The following GPC5 variants were observed in gnomAD, a reference collection of about 807,000 sequenced individuals.
The protein encoded by GPC5 is glypican-5.
A neutral mutation model predicts 53.9 loss-of-function variants in GPC5; 47 were observed. The observed-to-expected ratio is 0.87, with a 90% CI of 0.69 to 1.11. The LOEUF (loss-of-function observed/expected upper bound fraction) is 1.11. Ranked by LOEUF, GPC5 falls within the 50% of genes most tolerant of loss-of-function variation. The probability of loss-of-function intolerance (pLI) is 0.00; values close to 1 mark genes in which losing one functional copy is unlikely to be tolerated. For synonymous variants in GPC5, 286 were observed against 263.3 expected, an observed-to-expected ratio of 1.09 and a Z score of -0.84; for missense variants, 748 against 713.1, an observed-to-expected ratio of 1.05 and a Z score of -0.56.
At chr13:92,785,217 A>G (rs1876176452) in intron 7 of GPC5, among the ~76,000 whole-genome samples, 1 of 152,174 alleles carries the variant, frequency 6.6e-6, no homozygotes, top group African/African-American at 2.4e-5. Context: ...CAGAGGTTGC[A>G]GTGAGCCAAG....
chr13:92,042,415 C>T (rs936792906), intron 6 of GPC5, among the ~76,000 whole-genome samples: 2 of 151,964 alleles, frequency 1.3e-5, no homozygotes, highest in Admixed American at 1.3e-4. Context: ...GGCTCCAGCA[C>T]AAGCTTTCAC....
intron 5 of GPC5, among the ~76,000 whole-genome samples, chr13:91,849,519 A>G (rs1315345486): frequency 2.0e-5 from 3 of 152,150 alleles, no homozygotes; most frequent in South Asian, 2.1e-4. Flanking sequence ...CCAAACCTCA[A>G]TAAATAACAT....
At chr13:92,287,685 T>C (rs990471502) in intron 7 of GPC5, among the ~76,000 whole-genome samples, 3 of 152,164 alleles carry the variant, frequency 2.0e-5, no homozygotes, top group African/African-American at 7.2e-5. Context: ...TTGCTTTTCT[T>C]GCTGCTTTCT....
chr13:92,045,679 A>G (rs1400549365), intron 6 of GPC5, among the ~76,000 whole-genome samples: 2 of 152,176 alleles, frequency 1.3e-5, no homozygotes, highest in Non-Finnish European at 2.9e-5. Context: ...GAGGATTTAT[A>G]ATTAATGTCA....
At chr13:92,347,235 C>T (rs1427194927) in intron 7 of GPC5, among the ~76,000 whole-genome samples, 1 of 152,096 alleles carries the variant, frequency 6.6e-6, no homozygotes, top group African/African-American at 2.4e-5. Flanking sequence ...AGGTGTTAAT[C>T]AAGACACATA....
intron 6 of GPC5, among the ~76,000 whole-genome samples, chr13:91,998,166 C>A (rs907693086): frequency 1.3e-5 from 2 of 152,178 alleles, no homozygotes; most frequent in Non-Finnish European, 2.9e-5. Context: ...TGTCACACTT[C>A]ACTTACTGCC....
chr13:92,846,630 T>C (rs1040549468), intron 7 of GPC5, among the ~76,000 whole-genome samples: 6 of 152,132 alleles, frequency 3.9e-5, no homozygotes, highest in Admixed American at 3.9e-4. Context: ...AAGCTAGTAT[T>C]TGCTAATATT....
At chr13:91,550,965 G>A (rs939981024) in intron 2 of GPC5, among the ~76,000 whole-genome samples, 7 of 152,262 alleles carry the variant, frequency 4.6e-5, no homozygotes, top group African/African-American at 1.7e-4. Flanking sequence ...GGAATTGTGA[G>A]TCAACTAAAC....
chr13:92,714,359 A>G (rs138269029), intron 7 of GPC5, among the ~76,000 whole-genome samples: 1,999 of 152,344 alleles, frequency 0.013, 23 homozygotes, highest in Non-Finnish European at 0.018. Context: ...TCATGTGACT[A>G]TGAACAAAGA....
At chr13:92,275,698 G>T (rs1463562818) in intron 7 of GPC5, among the ~76,000 whole-genome samples, 1 of 152,068 alleles carries the variant, frequency 6.6e-6, no homozygotes, top group African/African-American at 2.4e-5. Flanking sequence ...TATACTTAAT[G>T]ATCCTTGCCG....
intron 6 of GPC5, among the ~76,000 whole-genome samples, chr13:92,077,022 TCAGA>T (rs2041257587): frequency 6.6e-6 from 1 of 152,318 alleles, no homozygotes; most frequent in African/African-American, 2.4e-5. Flanking sequence ...TCCCAGGTCT[TCAGA>T]CAAACTCAAC....
chr13:92,320,887 T>A (rs1050289788), intron 7 of GPC5, among the ~76,000 whole-genome samples: 3 of 152,198 alleles, frequency 2.0e-5, no homozygotes, highest in African/African-American at 7.2e-5. Context: ...TCAATAATGA[T>A]CTACCAAATA....
At chr13:92,168,557 T>G (rs1240974099) in intron 7 of GPC5, among the ~76,000 whole-genome samples, 2 of 152,166 alleles carry the variant, frequency 1.3e-5, no homozygotes, top group African/African-American at 4.8e-5. Flanking sequence ...AAGACATTTA[T>G]GTAATCAACA....
At chr13:91,942,540 CA>C (rs2039936968) in intron 6 of GPC5, among the ~76,000 whole-genome samples, 2 of 151,854 alleles carry the variant, frequency 1.3e-5, no homozygotes, top group African/African-American at 4.8e-5. Context: ...GTGTTGCTTT[CA>C]AAATCAATAA....
At chr13:92,673,598 G>A (rs184457830) in intron 7 of GPC5, among the ~76,000 whole-genome samples, 2 of 152,192 alleles carry the variant, frequency 1.3e-5, no homozygotes, top group East Asian at 3.9e-4. Flanking sequence ...CTATTCGTTT[G>A]TTTTTCCTGC....
chr13:92,381,547 T>C (rs1399187800), intron 7 of GPC5, among the ~76,000 whole-genome samples: 1 of 152,122 alleles, frequency 6.6e-6, no homozygotes, highest in Non-Finnish European at 1.5e-5. Flanking sequence ...TCTACACTGC[T>C]TGTGGGAATG....
chr13:91,889,468 T>TC (rs922758681), intron 5 of GPC5, among the ~76,000 whole-genome samples: 9 of 152,100 alleles, frequency 5.9e-5, no homozygotes, highest in African/African-American at 2.2e-4. Context: ...TGATTTTTTT[T>TC]TTCTTTTTTA....
intron 7 of GPC5, among the ~76,000 whole-genome samples, chr13:92,211,949 G>A (rs141063232): frequency 5.2e-4 from 79 of 152,206 alleles, no homozygotes; most frequent in African/African-American, 1.7e-3. Flanking sequence ...AATGTTTGTC[G>A]TCTTCACCTC....
At chr13:92,659,129 C>T (rs1886247103) in intron 7 of GPC5, 1 of 150,318 alleles carries the variant, frequency 6.7e-6, no homozygotes, top group African/African-American at 2.4e-5. Context: ...GGGGTTTCAC[C>T]GTTTTAGCCG....
Sources: gnomAD v4.1 joint callset for allele counts (sites outside exome capture counted in the v4.1 genomes callset) on GRCh38, gnomAD v4.1.1 for gene constraint, MANE v1.5 for transcripts, NCBI Gene and HGNC (gene_info 2026-07-23, HGNC 2026-07-21) for gene names.